Variants in DACH1 observed in about 807,000 individuals in gnomAD.
DACH1 encodes dachshund homolog 1.
In DACH1, 12 loss-of-function variants were observed where a neutral mutation model predicts 54.2. The observed-to-expected ratio is 0.22, with a 90% CI of 0.14 to 0.36. The LOEUF is 0.36. DACH1 is among the 10% of genes least tolerant of loss of function. The pLI, the probability that DACH1 is intolerant of heterozygous loss-of-function variation, is 1.00. For synonymous variants in DACH1, 386 were observed against 366.2 expected, an observed-to-expected ratio of 1.05 and a Z score of -0.62; for missense variants, 805 against 929.8, an observed-to-expected ratio of 0.87 and a Z score of 1.75.
chr13:71,699,808 T>C (rs1317360362), intron 1 of DACH1, among the ~76,000 whole-genome samples: 2 of 152,174 alleles, frequency 1.3e-5, no homozygotes, highest in Admixed American at 6.5e-5. Context: ...AACAAAGAAA[T>C]ATCAAAACTT....
At chr13:71,592,131 CAAAT>C (rs984024624) in intron 3 of DACH1, among the ~76,000 whole-genome samples, 3 of 151,972 alleles carry the variant, frequency 2.0e-5, no homozygotes, top group African/African-American at 7.3e-5. Flanking sequence ...GCCACATTAT[CAAAT>C]AGATTAGATG....
chr13:71,852,609 C>A (rs985804013), intron 1 of DACH1, among the ~76,000 whole-genome samples: 2 of 152,100 alleles, frequency 1.3e-5, no homozygotes, highest in Non-Finnish European at 2.9e-5. Context: ...TTGTTTGGAG[C>A]AAAGGAATAG....
In DACH1 at chr13:71,451,556, G is replaced by T. The variant is rs866265225; in HGVS notation, c.2084-10864C>A. Among the ~76,000 whole-genome samples the T allele has an allele frequency of 4.1e-4, 63 of 152,226 alleles. 1 individual carries two copies. Among genetic ancestry groups the T allele is most frequent in the African/African-American group, 1.4e-3 (60 of 41,526 alleles). ...CCCACTGGGATAGTATATTGGCTTA[G>T]CATACCTGACCTGAGCCTAAACATG... On this transcript the variant is annotated intron_variant, in intron 10 of 10. Transcript: ENST00000613252.
Position 71,640,542 on chromosome 13 carries a change from A to G in DACH1, c.965-9825T>C, listed in dbSNP as rs1043755045. Among the ~76,000 whole-genome samples the G allele has an allele frequency of 3.3e-5, 5 of 152,034 alleles. 1 individual carries two copies. Among genetic ancestry groups the G allele is most frequent in the Admixed American group, 2.6e-4 (4 of 15,254 alleles). ...TAAAACAAATTCCAACCAGAAACAA[A>G]TTGAACTGACATGCCTTGACTCTAA... On this transcript the variant is annotated intron_variant, in intron 2 of 10. Transcript: ENST00000613252.
At position 71,781,896 on chromosome 13, in the gene DACH1, T is replaced by C. The variant is rs553611874; in HGVS notation, c.848+84026A>G. Among the ~76,000 whole-genome samples, 6 of 152,292 alleles carry C rather than the reference T, an allele frequency of 3.9e-5. No individual in the cohort carries two copies. The South Asian group carries it at 1.2e-3, about 32-fold the overall frequency. ...ACTACACAAAAGGTTTGTGAACCTT[T>C]ACATATGTTTTTAAAATGTTGAATT... On this transcript the variant is annotated intron_variant, in intron 1 of 10. Coordinates refer to ENST00000613252, the MANE Select transcript of DACH1 (RefSeq NM_080759.6).
At chr13:71,478,339 A>T (rs2138180457) in intron 8 of DACH1, among the ~76,000 whole-genome samples, 2 of 152,336 alleles carry the variant, frequency 1.3e-5, no homozygotes, top group East Asian at 3.9e-4. Flanking sequence ...TAATAAAACA[A>T]CCTGGTAAAT....
intron 2 of DACH1, among the ~76,000 whole-genome samples, chr13:71,640,003 C>G (rs1877773380): frequency 6.6e-6 from 1 of 151,870 alleles, no homozygotes; most frequent in South Asian, 2.1e-4. Flanking sequence ...CTAATGTAAC[C>G]CTTTTATTTT....
chr13:71,754,959 G>GC (rs1885083385), intron 1 of DACH1, among the ~76,000 whole-genome samples: 2 of 152,136 alleles, frequency 1.3e-5, no homozygotes, highest in Non-Finnish European at 2.9e-5. Flanking sequence ...AAAGACCGGG[G>GC]CCGGGGGGAA....
intron 2 of DACH1, among the ~76,000 whole-genome samples, chr13:71,672,206 A>G (rs890899084): frequency 1.3e-5 from 2 of 152,168 alleles, no homozygotes; most frequent in Non-Finnish European, 2.9e-5. Context: ...CCAAAGTTGT[A>G]CCATAATGTT....
rs1194470015 is a variant in DACH1 at position 71,866,847 on chromosome 13, A to G, written c.-78T>C. 1 of 1,096,870 alleles carries G rather than the reference A, an allele frequency of 9.1e-7. No individual in the cohort carries two copies. Among genetic ancestry groups the G allele is most frequent in the Non-Finnish European group, 1.1e-6 (1 of 885,698 alleles). The allele number at this position is 1,096,870 out of a possible 1,614,324, so 67.9% of individuals were successfully genotyped here. A position where few individuals can be genotyped will look rare whatever the true frequency, so the allele number is the denominator to read the frequency against. ...CACACCCCCGGGAGGGGAAGGGGAA[A>G]AAAGGGGGGAGAAGGAGCGAGGGGG... On this transcript the variant is annotated 5_prime_UTR_variant, in exon 1 of 11. Transcript: ENST00000613252.
At chr13:71,630,487 C>G in intron 3 of DACH1, 69 bp downstream of exon 3, 1 of 1,465,302 alleles carries the variant, frequency 6.8e-7, no homozygotes, top group Non-Finnish European at 9.0e-7. Context: ...CAGTTTTGTT[C>G]TGGAAAAGCA....
At chr13:71,633,959 T>C (rs1877287976) in intron 2 of DACH1, among the ~76,000 whole-genome samples, 1 of 146,854 alleles carries the variant, frequency 6.8e-6, no homozygotes. Context: ...GAAGATTTTT[T>C]CTTTTTTCTT....
intron 6 of DACH1, among the ~76,000 whole-genome samples, chr13:71,523,838 G>C (rs1345052078): frequency 1.3e-5 from 2 of 151,986 alleles, no homozygotes; most frequent in African/African-American, 2.4e-5. Flanking sequence ...ACAGGAAAAA[G>C]AACTCATTCT....
rs573318084 is a variant in DACH1, at chr13:71,756,524, G to GA, written c.849-74615dup. On this transcript the variant is annotated intron_variant, in intron 1 of 10. Transcript: ENST00000613252. The stretch of plus-strand genomic sequence containing the variant: ...GTTTAGGGTTTGTTTTCAAAACAAT[G>GA]AAAAAAAAAAACATTTTATTTTAAA... 9.0e-3 allele frequency among the ~76,000 whole-genome samples: 1,308 copies of GA among 145,744 alleles called. 11 individuals carry two copies. The highest frequency in any genetic ancestry group is 0.015 in the African/African-American group (602 of 39,610).
chr13:71,581,360 GTTCAAGCGA>G (rs1566356881), intron 3 of DACH1, among the ~76,000 whole-genome samples: 1 of 152,110 alleles, frequency 6.6e-6, no homozygotes, highest in African/African-American at 2.4e-5. Context: ...TGCCTCCTGG[GTTCAAGCGA>G]TTCTTCTGCC....
intron 1 of DACH1, among the ~76,000 whole-genome samples, chr13:71,853,397 A>G (rs918820718): frequency 1.3e-4 from 20 of 152,148 alleles, no homozygotes; most frequent in African/African-American, 4.6e-4. Context: ...TTTGGTGTGA[A>G]CTCATCTTGA....
At chr13:71,655,776 T>C (rs1178243516) in intron 2 of DACH1, among the ~76,000 whole-genome samples, 1 of 152,208 alleles carries the variant, frequency 6.6e-6, no homozygotes, top group African/African-American at 2.4e-5. Flanking sequence ...TAAATCAGAA[T>C]ACTATTTCAC....
In DACH1 at chr13:71,527,061, A is replaced by G. The variant is rs983512673; in HGVS notation, c.1570+29963T>C. Among the ~76,000 whole-genome samples the G allele has an allele frequency of 5.3e-5, 8 of 152,098 alleles. No homozygotes were observed. The East Asian group carries it at 1.5e-3, about 29-fold the overall frequency. ...TAAACAGTAAATGATTATCACATAA[A>G]TATAAATTTTCATGTGTATTTAACA... is the stretch of plus-strand genomic sequence containing the variant. On this transcript the variant is annotated intron_variant, in intron 6 of 10. Coordinates refer to ENST00000613252, the MANE Select transcript of DACH1 (RefSeq NM_080759.6).
At chr13:71,562,707 AT>A (rs1253095511) in intron 4 of DACH1, among the ~76,000 whole-genome samples, 1 of 152,144 alleles carries the variant, frequency 6.6e-6, no homozygotes, top group East Asian at 1.9e-4. Context: ...AAACATGTAT[AT>A]GACTTAAAAG....
Sources: gnomAD v4.1 joint callset for allele counts (sites outside exome capture counted in the v4.1 genomes callset) on GRCh38, gnomAD v4.1.1 for gene constraint, MANE v1.5 for transcripts, NCBI Gene and HGNC (gene_info 2026-07-23, HGNC 2026-07-21) for gene names.